PPP1R8: variants seen among roughly 807,000 people sequenced by gnomAD.
PPP1R8 encodes the protein protein phosphatase 1 regulatory subunit 8.
PPP1R8 carries 4 observed loss-of-function variants against 31.3 expected under a neutral mutation model. The observed-to-expected ratio is 0.13, with a 90% CI of 0.06 to 0.29. PPP1R8 has a LOEUF of 0.29. PPP1R8 is among the 10% of genes least tolerant of loss of function. The pLI, the probability that PPP1R8 is intolerant of heterozygous loss-of-function variation, is 1.00. For missense variants in PPP1R8, 254 were observed against 440.1 expected, an observed-to-expected ratio of 0.58 and a Z score of 3.78; for synonymous variants, 170 against 169.7, an observed-to-expected ratio of 1.00 and a Z score of -0.01.
intron 5 of PPP1R8, among the ~76,000 whole-genome samples, chr1:27,845,196 C>T (rs577757791): frequency 2.7e-5 from 4 of 148,320 alleles, no homozygotes; most frequent in Non-Finnish European, 4.5e-5. Flanking sequence ...CAAGACCATG[C>T]TGGCTAACAC....
chr1:27,832,812 T>C lies in PPP1R8; in HGVS notation c.113T>C (p.Ile38Thr). ...GATGTAGTCAAAGGAGACAAACTAA[T>C]TGAGGTATGGAAATACATGTCTTAC... ...HLDVVKGDKL[I>T]EKLIIDEKKY... The change falls in exon 2 of 7, where the codon ATT becomes ACT. Residue 38 changes from isoleucine (I) to threonine (T), a missense_variant. Ile to Thr is a moderately conservative substitution (Grantham distance 89). Around this residue, in one of 6 missense-constraint regions of PPP1R8, gnomAD observed 52 missense variants for 145.3 expected, o/e 0.36. Transcript: ENST00000311772. 1 of 1,608,202 alleles carries C rather than the reference T, an allele frequency of 6.2e-7. No homozygotes were observed.
intron 6 of PPP1R8, 136 bp downstream of exon 6, chr1:27,847,228 C>A: frequency 1.2e-6 from 1 of 820,478 alleles, no homozygotes; most frequent in Non-Finnish European, 2.0e-6. Flanking sequence ...AAATCGAGGC[C>A]AGGCACAGTG....
At chr1:27,831,274 C>G (rs2089102794) in intron 1 of PPP1R8, 1 of 1,009,486 alleles carries the variant, frequency 9.9e-7, no homozygotes, top group Non-Finnish European at 1.2e-6. Flanking sequence ...TCGAGCCAGC[C>G]CCGGCCCCAA....
At position 27,830,888 on chromosome 1, in the gene PPP1R8, C is replaced by A. The variant is rs1363019985; in HGVS notation, c.53C>A (p.Thr18Asn). The stretch of plus-strand genomic sequence containing the variant: ...AGCCTCCCGCTGTTCGACTGCCCAA[C>A]CTGGTGAGTGGCGGGGCGGCCAGGG... ...GSSLPLFDCP[T>N]WAGKPPPGLH... Residue 18 changes from threonine to asparagine, a missense_variant, in exon 1 of 7, where the codon ACC becomes AAC. By Grantham distance (65) the Thr-to-Asn change is moderately conservative. Transcript: ENST00000311772. 7 of 1,570,190 alleles carry A rather than the reference C, an allele frequency of 4.5e-6. No individual in the cohort carries two copies. The highest frequency in any genetic ancestry group is 2.7e-5 in the African/African-American group (2 of 73,860).
intron 2 of PPP1R8, 143 bp from the exon 3 acceptor site, chr1:27,838,556 C>CT (rs2089193168): frequency 8.4e-6 from 4 of 473,988 alleles, no homozygotes; most frequent in Non-Finnish European, 1.4e-5. Flanking sequence ...ATTTATTTTT[C>CT]TTTTTTTGAT....
intron 2 of PPP1R8, among the ~76,000 whole-genome samples, chr1:27,834,789 G>T (rs182102546): frequency 6.6e-6 from 1 of 152,054 alleles, no homozygotes; most frequent in Non-Finnish European, 1.5e-5. Context: ...AGGCCGAGGC[G>T]GGCAGATCAC....
intron 2 of PPP1R8, 115 bp downstream of exon 2, chr1:27,832,931 T>C: frequency 1.1e-6 from 1 of 876,730 alleles, no homozygotes; most frequent in Non-Finnish European, 1.8e-6. Flanking sequence ...CTTTCTTTCA[T>C]CCTGATTTTT....
At chr1:27,847,716 C>T (rs1018553141) in intron 6 of PPP1R8, among the ~76,000 whole-genome samples, 1 of 151,598 alleles carries the variant, frequency 6.6e-6, no homozygotes, top group African/African-American at 2.4e-5. Flanking sequence ...GGTGACAGAG[C>T]GAGACTCCAT....
At chr1:27,842,076 C>T (rs1468479952) in intron 4 of PPP1R8, among the ~76,000 whole-genome samples, 1 of 152,198 alleles carries the variant, frequency 6.6e-6, no homozygotes, top group South Asian at 2.1e-4. Flanking sequence ...CACAGTGGCT[C>T]ATGTTTGTAA....
At chr1:27,831,250 C>G (rs905762794) in intron 1 of PPP1R8, 16 of 1,022,902 alleles carry the variant, frequency 1.6e-5, no homozygotes, top group Non-Finnish European at 5.9e-6. Context: ...CCTTCCTGTA[C>G]GTCCCGAGCG....
chr1:27,849,944 G>A (rs2089324210), intron 6 of PPP1R8, 149 bp from the exon 7 acceptor site: 1 of 688,918 alleles, frequency 1.5e-6, no homozygotes, highest in South Asian at 2.5e-5. Flanking sequence ...CATGAAATAG[G>A]TTGTCTGGAA....
At chr1:27,839,906 C>T (rs980054332) in intron 3 of PPP1R8, among the ~76,000 whole-genome samples, 3 of 151,878 alleles carry the variant, frequency 2.0e-5, no homozygotes, top group Non-Finnish European at 4.4e-5. Context: ...CAAAAAAATA[C>T]AAAAAGTAGC....
At chr1:27,849,608 C>T (rs1383448950) in intron 6 of PPP1R8, among the ~76,000 whole-genome samples, 2 of 152,040 alleles carry the variant, frequency 1.3e-5, no homozygotes, top group Non-Finnish European at 2.9e-5. Context: ...TGTGCCTCAG[C>T]CTCCCGAGTA....
intron 1 of PPP1R8, 62 bp from the exon 2 acceptor site, chr1:27,832,694 T>C (rs946288060): frequency 1.4e-6 from 2 of 1,399,396 alleles, no homozygotes; most frequent in African/African-American, 1.4e-5. Flanking sequence ...AATGGGACAA[T>C]GGTTGTAAAT....
chr1:27,831,922 A>G (rs969429120), intron 1 of PPP1R8, among the ~76,000 whole-genome samples: 1 of 152,238 alleles, frequency 6.6e-6, no homozygotes, highest in Non-Finnish European at 1.5e-5. Flanking sequence ...AAACCCAAAA[A>G]GCAAGCAAAT....
Position 27,833,237 on chromosome 1 carries a change from AAC to A in PPP1R8, c.117+422_117+423del, listed in dbSNP as rs144383555. Among the ~76,000 whole-genome samples the A allele has an allele frequency of 7.2e-3, 1,094 of 152,308 alleles. 16 individuals carry two copies. The highest frequency in any genetic ancestry group is 0.024 in the African/African-American group (1,006 of 41,552). ...CCAACTCCTTATAAGAAGTATGGTA[AAC>A]TAAGACATTTACTCAAAAAGATAAT... On this transcript the variant is annotated intron_variant, in intron 2 of 6. Coordinates refer to ENST00000311772, the MANE Select transcript of PPP1R8 (RefSeq NM_014110.5).
intron 6 of PPP1R8, among the ~76,000 whole-genome samples, chr1:27,847,969 G>T (rs1226373427): frequency 6.6e-6 from 1 of 152,134 alleles, no homozygotes; most frequent in East Asian, 1.9e-4. Flanking sequence ...CCTTCTTTTG[G>T]CCTTTCTCTT....
At chr1:27,842,026 G>A (rs1332274449) in intron 4 of PPP1R8, among the ~76,000 whole-genome samples, 1 of 152,120 alleles carries the variant, frequency 6.6e-6, no homozygotes, top group African/African-American at 2.4e-5. Context: ...CTGGCTCTTA[G>A]GAAGAAAAGC....
rs541054960 is a variant in PPP1R8 at position 27,844,934 on chromosome 1, C to T, written c.637+1604C>T. Among the ~76,000 whole-genome samples, 376 of 115,860 alleles carry T rather than the reference C, an allele frequency of 3.2e-3. 2 individuals carry two copies. The highest frequency in any genetic ancestry group is 4.6e-3 in the Non-Finnish European group (274 of 59,324). The allele number at this position is 115,860 out of a possible 152,430, so 76.0% of individuals were successfully genotyped here. On this transcript the variant is annotated intron_variant, in intron 5 of 6. Coordinates refer to ENST00000311772, the MANE Select transcript of PPP1R8 (RefSeq NM_014110.5). ...TTTTTTAGTAGAGACGGGGTTTCAC[C>T]GTGTTAGGCAGGATGGTCTCGATCT... is the stretch of plus-strand genomic sequence containing the variant.
Sources: gnomAD v4.1 joint callset for allele counts (sites outside exome capture counted in the v4.1 genomes callset) on GRCh38, gnomAD v4.1.1 for gene constraint, gnomAD v4.1.1 regional missense constraint, MANE v1.5 for transcripts, NCBI Gene and HGNC (gene_info 2026-07-23, HGNC 2026-07-21) for gene names.